Variants in GSX1 observed in about 807,000 individuals in gnomAD.
GSX1 encodes GS homeobox 1.
In GSX1, 13 loss-of-function variants were observed where a neutral mutation model predicts 17.7. The observed-to-expected ratio is 0.74, with a 90% CI of 0.48 to 1.17. The LOEUF is 1.17. Ranked by LOEUF, GSX1 falls within the 50% of genes most tolerant of loss-of-function variation. The probability of loss-of-function intolerance (pLI) is 0.00; values close to 1 mark genes in which losing one functional copy is unlikely to be tolerated. For synonymous variants in GSX1, 202 were observed against 176.2 expected (o/e 1.15, Z -1.16); for missense variants, 371 against 372.1 (o/e 1.00, Z 0.02).
In GSX1 at chr13:27,793,047, C is replaced by G. The variant is rs1365865396; in HGVS notation, c.357C>G (p.Leu119=). 8 of 1,586,896 alleles carry G rather than the reference C, an allele frequency of 5.0e-6. No homozygotes were observed. Among genetic ancestry groups the G allele is most frequent in the Non-Finnish European group, 6.0e-6 (7 of 1,173,952 alleles). Residue 119 remains leucine, a synonymous_variant, in exon 1 of 2, where the codon CTC becomes CTG. Coordinates refer to ENST00000302945, the MANE Select transcript of GSX1 (RefSeq NM_145657.3). This position sits in a 1 kb window ranked among gnomAD's most constrained non-coding sequence, Gnocchi z 6.2. ...CCGCCGCTGCTGCTGCCGCCGCGCT[C>G]TACCAGACCTCCTACCCGCTGCCTG... ...GPAAAAAAAA[L]YQTSYPLPDP... is the part of the protein sequence containing the mutation.
Position 27,793,492 on chromosome 13 carries a change from GCGACCGCCT to G in GSX1, c.413-73_413-65del, listed in dbSNP as rs1957079503. 1 of 1,457,778 alleles carries G rather than the reference GCGACCGCCT, an allele frequency of 6.9e-7. No individual in the cohort carries two copies. The highest frequency in any genetic ancestry group is 1.3e-5 in the South Asian group (1 of 76,248). The allele number at this position is 1,457,778 out of a possible 1,614,324, so 90.3% of individuals were successfully genotyped here. On this transcript the variant is annotated intron_variant, in intron 1 of 1. Coordinates refer to ENST00000302945, the MANE Select transcript of GSX1 (RefSeq NM_145657.3). This position sits in a 1 kb window ranked among gnomAD's most constrained non-coding sequence, Gnocchi z 6.2. ...AAGAGGTCAAAGTCGTAGGATTCTG[GCGACCGCCT>G]ACCAAGGGATTGGGTCCACAGCACA...
rs754184470 is a variant in GSX1, at chr13:27,793,130, C to T, written c.412+28C>T. ...AAGCGGGGCCGCCGCGCAGAGGGAC[C>T]GGGCAGAGGTGATCCGAAGCAGGAT... On this transcript the variant is annotated intron_variant, in intron 1 of 1. Coordinates refer to ENST00000302945, the MANE Select transcript of GSX1 (RefSeq NM_145657.3). This position sits in a 1 kb window ranked among gnomAD's most constrained non-coding sequence, Gnocchi z 6.2. The T allele has an allele frequency of 5.4e-6, 8 of 1,488,792 alleles. No individual in the cohort carries two copies. The highest frequency in any genetic ancestry group is 1.4e-5 in the African/African-American group (1 of 70,218). 92.2% of individuals were successfully genotyped at this position (1,488,792 alleles called of 1,614,324 possible). A position where few individuals can be genotyped will look rare whatever the true frequency, so the allele number is the denominator to read the frequency against.
rs1593330174 is a variant in GSX1, at chr13:27,792,763, C to T, written c.73C>T (p.Pro25Ser). Reference sequence around the variant, plus strand: ...CGAGAAGAAGGCGCCCGAGGGCAGCCCGCCGCCGCTCTTCCCCTACGCTGT... The same window carrying T: ...CGAGAAGAAGGCGCCCGAGGGCAGCTCGCCGCCGCTCTTCCCCTACGCTGT... The part of the protein sequence containing the change: ...AGEKKAPEGS[P>S]PPLFPYAVPP... The change falls in exon 1 of 2, where the codon CCG becomes TCG. Residue 25 changes from proline (P) to serine (S), a missense_variant. This residue lies in a region of GSX1 where 212 missense variants were observed against 193.9 expected (regional missense o/e 1.09). Transcript: ENST00000302945. The T allele has an allele frequency of 5.4e-6, 8 of 1,487,496 alleles. No individual in the cohort carries two copies. Among genetic ancestry groups the T allele is most frequent in the African/African-American group, 4.4e-5 (3 of 68,472 alleles). The allele number at this position is 1,487,496 out of a possible 1,614,324, so 92.1% of individuals were successfully genotyped here.
chr13:27,794,195 G>A lies in GSX1; in HGVS notation c.*247G>A. On this transcript the variant is annotated 3_prime_UTR_variant, in exon 2 of 2. Coordinates refer to ENST00000302945, the MANE Select transcript of GSX1 (RefSeq NM_145657.3). ...CAAGCTGTGAACACTGTAAGCGCTC[G>A]AGTCCTCCTGGGCAGTGCAGCACCG... The A allele has an allele frequency of 2.0e-6, 1 of 501,550 alleles. No homozygotes were observed. Among genetic ancestry groups the A allele is most frequent in the Non-Finnish European group, 3.5e-6 (1 of 285,734 alleles). The allele number at this position is 501,550 out of a possible 1,614,324, so 31.1% of individuals were successfully genotyped here.
Position 27,793,982 on chromosome 13 carries a change from C to T in GSX1, c.*34C>T. The T allele has an allele frequency of 6.6e-7, 1 of 1,516,842 alleles. No homozygotes were observed. Among genetic ancestry groups the T allele is most frequent in the Admixed American group, 2.2e-5 (1 of 45,290 alleles). The allele number at this position is 1,516,842 out of a possible 1,614,324, so 94.0% of individuals were successfully genotyped here. Reference sequence around the variant, plus strand: ...CTCCCTAGGTCGCCCACCCCAAGACCTCCCTGCGCCTCGGAGACTAGTCCT... The same window carrying T: ...CTCCCTAGGTCGCCCACCCCAAGACTTCCCTGCGCCTCGGAGACTAGTCCT... On this transcript the variant is annotated 3_prime_UTR_variant, in exon 2 of 2. Coordinates refer to ENST00000302945, the MANE Select transcript of GSX1 (RefSeq NM_145657.3). This position sits in a 1 kb window ranked among gnomAD's most constrained non-coding sequence, Gnocchi z 6.2.
Position 27,794,124 on chromosome 13 carries a change from C to T in GSX1, c.*176C>T. 1 of 679,930 alleles carries T rather than the reference C, an allele frequency of 1.5e-6. No homozygotes were observed. The highest frequency in any genetic ancestry group is 2.3e-5 in the South Asian group (1 of 43,944). The allele number at this position is 679,930 out of a possible 1,614,324, so 42.1% of individuals were successfully genotyped here. ...GGCTGAGAGCTTGGCAGAGACTGGA[C>T]CATGGCGTCCCCGCCCCAGGGCTCG... is the stretch of plus-strand genomic sequence containing the variant. On this transcript the variant is annotated 3_prime_UTR_variant, in exon 2 of 2. Coordinates refer to ENST00000302945, the MANE Select transcript of GSX1 (RefSeq NM_145657.3).
rs779885261 is a variant in GSX1, at chr13:27,793,517, C to T, written c.413-49C>T. ...GCGACCGCCTACCAAGGGATTGGGT[C>T]CACAGCACAGAGGTCTGATCGCTTC... On this transcript the variant is annotated intron_variant, in intron 1 of 1. Coordinates refer to ENST00000302945, the MANE Select transcript of GSX1 (RefSeq NM_145657.3). The surrounding 1 kb of genome is among the most constrained non-coding windows in gnomAD (Gnocchi z 6.2). 9.0e-6 allele frequency: 14 copies of T among 1,553,058 alleles called. No homozygotes were observed. The South Asian group carries it at 1.6e-4, about 18-fold the overall frequency.
chr13:27,794,223 G>GC lies in GSX1; in HGVS notation c.*280dup, dbSNP rs1236252059. Reference sequence around the variant, plus strand: ...TCCTCCTGGGCAGTGCAGCACCGCGGCCCCCGCCCGCAAGCCTGCTTGGCG... The same window carrying GC: ...TCCTCCTGGGCAGTGCAGCACCGCGGCCCCCCGCCCGCAAGCCTGCTTGGCG... On this transcript the variant is annotated 3_prime_UTR_variant, in exon 2 of 2. Coordinates refer to ENST00000302945, the MANE Select transcript of GSX1 (RefSeq NM_145657.3). The GC allele has an allele frequency of 2.3e-5, 8 of 353,682 alleles. No homozygotes were observed. Among genetic ancestry groups the GC allele is most frequent in the Non-Finnish European group, 1.0e-5 (2 of 197,918 alleles). 21.9% of individuals were successfully genotyped at this position (353,682 alleles called of 1,614,324 possible).
At position 27,792,795 on chromosome 13, in the gene GSX1, G is replaced by T. The variant is rs746246077; in HGVS notation, c.105G>T (p.Pro35=). ...PPPLFPYAVP[P]PHALHGLSPG... The stretch of plus-strand genomic sequence containing the variant: ...CGCTCTTCCCCTACGCTGTGCCCCC[G>T]CCGCACGCGCTGCACGGTCTCTCGC... The change falls in exon 1 of 2, where the codon CCG becomes CCT. Residue 35 remains proline (P), a synonymous_variant. Transcript: ENST00000302945. 2.0e-6 allele frequency: 3 copies of T among 1,500,460 alleles called. No individual in the cohort carries two copies. The South Asian group carries it at 3.7e-5, about 19-fold the overall frequency. 92.9% of individuals were successfully genotyped at this position (1,500,460 alleles called of 1,614,324 possible).
rs1220815510 is a variant in GSX1, at chr13:27,793,800, G to T, written c.647G>T (p.Gly216Val). The change falls in exon 2 of 2, where the codon GGC becomes GTC. Residue 216 changes from glycine (G) to valine (V), a missense_variant. This residue lies in a region of GSX1 where 92 missense variants were observed against 70.0 expected (regional missense o/e 1.31). Transcript: ENST00000302945. This position sits in a 1 kb window ranked among gnomAD's most constrained non-coding sequence, Gnocchi z 6.2. ...GGCAGCAACCATCGTGGCGGCGGCG[G>T]CGGGGGTGCCGGTGGTGGCGGGAGC... Reference protein sequence around the residue: ...GKGSNHRGGGGGGAGGGGSAP... With the variant: ...GKGSNHRGGGVGGAGGGGSAP... The T allele has an allele frequency of 2.5e-6, 4 of 1,613,852 alleles. No homozygotes were observed. The highest frequency in any genetic ancestry group is 3.4e-6 in the Non-Finnish European group (4 of 1,179,880).
chr13:27,794,155 G>T lies in GSX1; in HGVS notation c.*207G>T. ...CGTCCCCGCCCCAGGGCTCGCTCGT[G>T]TCCAAAGCCAACTCCAAGCTGTGAA... is the stretch of plus-strand genomic sequence containing the variant. On this transcript the variant is annotated 3_prime_UTR_variant, in exon 2 of 2. Transcript: ENST00000302945. 1.7e-6 allele frequency: 1 copy of T among 586,448 alleles called. No homozygotes were observed. Among genetic ancestry groups the T allele is most frequent in the Non-Finnish European group, 2.9e-6 (1 of 344,416 alleles). 36.3% of individuals were successfully genotyped at this position (586,448 alleles called of 1,614,324 possible).
Position 27,793,482 on chromosome 13 carries a change from T to C in GSX1, c.413-84T>C. On this transcript the variant is annotated intron_variant, in intron 1 of 1. Coordinates refer to ENST00000302945, the MANE Select transcript of GSX1 (RefSeq NM_145657.3). This position sits in a 1 kb window ranked among gnomAD's most constrained non-coding sequence, Gnocchi z 6.2. ...AGAGATGGGTAAGAGGTCAAAGTCG[T>C]AGGATTCTGGCGACCGCCTACCAAG... 4.3e-6 allele frequency: 6 copies of C among 1,386,286 alleles called. No individual in the cohort carries two copies. Among genetic ancestry groups the C allele is most frequent in the Non-Finnish European group, 5.9e-6 (6 of 1,018,710 alleles). 85.9% of individuals were successfully genotyped at this position (1,386,286 alleles called of 1,614,324 possible).
chr13:27,792,951 C>A lies in GSX1; in HGVS notation c.261C>A (p.Gly87=). The A allele has an allele frequency of 6.5e-7, 1 of 1,539,528 alleles. No homozygotes were observed. The highest frequency in any genetic ancestry group is 8.7e-7 in the Non-Finnish European group (1 of 1,148,112). Residue 87 remains glycine (G), a synonymous_variant, in exon 1 of 2, where the codon GGC becomes GGA. Transcript: ENST00000302945. The part of the protein sequence containing the change: ...PLLKASFPPF[G]SQYCHAPLGR... ...TCAAGGCTTCCTTCCCACCCTTCGG[C>A]TCGCAGTACTGCCACGCGCCCCTGG... is the stretch of plus-strand genomic sequence containing the variant.
Position 27,793,911 on chromosome 13 carries a change from C to T in GSX1, c.758C>T (p.Ser253Leu). ...GAATTGCCCATGTCTCCGTCCTCCT[C>T]AGGGAAGGACGACCGGGATCTTACG... The part of the protein sequence containing the change: ...DDELPMSPSS[S>L]GKDDRDLTVT... The change falls in exon 2 of 2, where the codon TCA (serine) becomes TTA (leucine). Residue 253 changes from serine (S) to leucine (L), a missense_variant. Physicochemically the swap from Ser to Leu is moderately radical, Grantham distance 145. This residue lies in a region of GSX1 where 92 missense variants were observed against 70.0 expected (regional missense o/e 1.31). Transcript: ENST00000302945. The surrounding 1 kb of genome is among the most constrained non-coding windows in gnomAD (Gnocchi z 6.2). The T allele has an allele frequency of 1.3e-6, 2 of 1,568,120 alleles. No homozygotes were observed. Among genetic ancestry groups the T allele is most frequent in the Non-Finnish European group, 1.7e-6 (2 of 1,154,900 alleles).
At position 27,792,624 on chromosome 13, in the gene GSX1, T is replaced by G; in HGVS notation, c.-67T>G. ...GGATACCGCGGCCAGGGAAAGCGCGTGGAGAGCCGAAAGGTGCGGTGGGCG... is the reference window on the plus strand; with the variant it reads ...GGATACCGCGGCCAGGGAAAGCGCGGGGAGAGCCGAAAGGTGCGGTGGGCG... On this transcript the variant is annotated 5_prime_UTR_variant, in exon 1 of 2. Transcript: ENST00000302945. 2 of 1,269,852 alleles carry G rather than the reference T, an allele frequency of 1.6e-6. No individual in the cohort carries two copies. The highest frequency in any genetic ancestry group is 2.0e-6 in the Non-Finnish European group (2 of 992,392). 78.7% of individuals were successfully genotyped at this position (1,269,852 alleles called of 1,614,324 possible). A position where few individuals can be genotyped will look rare whatever the true frequency, so the allele number is the denominator to read the frequency against.
rs1478059548 is a variant in GSX1, at chr13:27,793,989, C to T, written c.*41C>T. ...GGTCGCCCACCCCAAGACCTCCCTG[C>T]GCCTCGGAGACTAGTCCTGGGACTC... On this transcript the variant is annotated 3_prime_UTR_variant, in exon 2 of 2. Coordinates refer to ENST00000302945, the MANE Select transcript of GSX1 (RefSeq NM_145657.3). The surrounding 1 kb of genome is among the most constrained non-coding windows in gnomAD (Gnocchi z 6.2). 1.1e-5 allele frequency: 16 copies of T among 1,513,796 alleles called. No homozygotes were observed. The highest frequency in any genetic ancestry group is 1.4e-5 in the Non-Finnish European group (16 of 1,133,342). 93.8% of individuals were successfully genotyped at this position (1,513,796 alleles called of 1,614,324 possible).
In GSX1 at chr13:27,794,017, C is replaced by T; in HGVS notation, c.*69C>T. 1.4e-6 allele frequency: 2 copies of T among 1,477,046 alleles called. No homozygotes were observed. Among genetic ancestry groups the T allele is most frequent in the South Asian group, 2.7e-5 (2 of 73,502 alleles). The allele number at this position is 1,477,046 out of a possible 1,614,324, so 91.5% of individuals were successfully genotyped here. A position where few individuals can be genotyped will look rare whatever the true frequency, so the allele number is the denominator to read the frequency against. Reference sequence around the variant, plus strand: ...CTCGGAGACTAGTCCTGGGACTCAGCGCTGATTCCCAGGCACCCGCAGCCA... The same window carrying T: ...CTCGGAGACTAGTCCTGGGACTCAGTGCTGATTCCCAGGCACCCGCAGCCA... On this transcript the variant is annotated 3_prime_UTR_variant, in exon 2 of 2. Transcript: ENST00000302945.
At position 27,792,814 on chromosome 13, in the gene GSX1, C is replaced by A; in HGVS notation, c.124C>A (p.Leu42Ile). The A allele has an allele frequency of 2.0e-6, 3 of 1,507,786 alleles. No homozygotes were observed. The highest frequency in any genetic ancestry group is 1.4e-5 in the African/African-American group (1 of 69,246). 93.4% of individuals were successfully genotyped at this position (1,507,786 alleles called of 1,614,324 possible). ...AVPPPHALHG[L>I]SPGACHARKA... ...GCCCCCGCCGCACGCGCTGCACGGT[C>A]TCTCGCCTGGCGCCTGCCACGCGCG... is the stretch of plus-strand genomic sequence containing the variant. The change falls in exon 1 of 2, where the codon CTC (leucine) becomes ATC (isoleucine). Residue 42 changes from leucine (L) to isoleucine (I), a missense_variant. Leu to Ile is a conservative substitution (Grantham distance 5). Coordinates refer to ENST00000302945, the MANE Select transcript of GSX1 (RefSeq NM_145657.3).
chr13:27,794,041 C>T lies in GSX1; in HGVS notation c.*93C>T. ...GCGCTGATTCCCAGGCACCCGCAGC[C>T]AAACCACTGCCTGGCATGGATTTGG... On this transcript the variant is annotated 3_prime_UTR_variant, in exon 2 of 2. Coordinates refer to ENST00000302945, the MANE Select transcript of GSX1 (RefSeq NM_145657.3). 1.5e-6 allele frequency: 2 copies of T among 1,353,322 alleles called. No homozygotes were observed. The highest frequency in any genetic ancestry group is 2.0e-6 in the Non-Finnish European group (2 of 1,001,986). 83.8% of individuals were successfully genotyped at this position (1,353,322 alleles called of 1,614,324 possible). A position where few individuals can be genotyped will look rare whatever the true frequency, so the allele number is the denominator to read the frequency against.
Sources: allele counts gnomAD v4.1 joint callset, GRCh38; gene constraint gnomAD v4.1.1; regional missense constraint gnomAD v4.1.1; non-coding constraint Gnocchi (gnomAD v3.1); transcripts MANE v1.5; gene names NCBI Gene and HGNC (gene_info 2026-07-23, HGNC 2026-07-21).